TIAM1: variants seen among roughly 807,000 people sequenced by gnomAD.
TIAM1 encodes the protein rho guanine nucleotide exchange factor TIAM1.
TIAM1 carries 65 observed loss-of-function variants against 163.5 expected under a neutral mutation model. The observed-to-expected ratio is 0.40, with a 90% CI of 0.33 to 0.49. The LOEUF (loss-of-function observed/expected upper bound fraction) is 0.49. Ranked by LOEUF, TIAM1 falls within the 20% of genes least tolerant of loss-of-function variation. The pLI, the probability that TIAM1 is intolerant of heterozygous loss-of-function variation, is 0.77. For missense variants in TIAM1, 1,789 were observed against 2,044.7 expected (o/e 0.87, Z 2.41); for synonymous variants, 833 against 810.1 (o/e 1.03, Z -0.48).
intron 16 of TIAM1, among the ~76,000 whole-genome samples, chr21:31,156,684 C>T (rs1483072508): frequency 1.3e-5 from 2 of 152,116 alleles, no homozygotes; most frequent in African/African-American, 4.8e-5. Context: ...CCAGTGATAA[C>T]TGTAATAGAA....
intron 16 of TIAM1, among the ~76,000 whole-genome samples, chr21:31,162,602 T>A (rs1476309778): frequency 1.3e-5 from 2 of 151,874 alleles, no homozygotes; most frequent in Non-Finnish European, 2.9e-5. Flanking sequence ...TACTGCATGA[T>A]CTTTAAAATA....
chr21:31,268,056 G>A lies in TIAM1; in HGVS notation c.-11-1073C>T, dbSNP rs1427238165. On this transcript the variant is annotated intron_variant, in intron 3 of 27. Coordinates refer to ENST00000541036, the MANE Select transcript of TIAM1 (RefSeq NM_001353694.2). ...TCTTGTTCCATGAAGTCTCTCTAGCGCACTTCAAATTGTATGCACTTAAGA... is the reference window on the plus strand; with the variant it reads ...TCTTGTTCCATGAAGTCTCTCTAGCACACTTCAAATTGTATGCACTTAAGA... Among the ~76,000 whole-genome samples, 6 of 152,098 alleles carry A rather than the reference G, an allele frequency of 3.9e-5. 1 individual carries two copies. The highest frequency in any genetic ancestry group is 3.3e-4 in the Admixed American group (5 of 15,274).
intron 2 of TIAM1, among the ~76,000 whole-genome samples, chr21:31,284,224 G>A (rs868674785): frequency 6.6e-6 from 1 of 152,216 alleles, no homozygotes; most frequent in East Asian, 1.9e-4. Flanking sequence ...AAACATAAGA[G>A]AGTAATAATC....
At chr21:31,386,476 A>C (rs2076873076) in intron 2 of TIAM1, among the ~76,000 whole-genome samples, 1 of 152,164 alleles carries the variant, frequency 6.6e-6, no homozygotes, top group Non-Finnish European at 1.5e-5. Context: ...ACCACGTGCA[A>C]AGGTGTCTAA....
intron 3 of TIAM1, among the ~76,000 whole-genome samples, chr21:31,269,167 A>G (rs1002317295): frequency 2.6e-5 from 4 of 152,262 alleles, no homozygotes; most frequent in African/African-American, 9.6e-5. Context: ...CAGAAAACTC[A>G]TCAAGTTAAA....
At chr21:31,411,431 G>A (rs185016495) in intron 2 of TIAM1, among the ~76,000 whole-genome samples, 11 of 150,896 alleles carry the variant, frequency 7.3e-5, no homozygotes, top group African/African-American at 1.9e-4. Flanking sequence ...AAAAGCAGCC[G>A]TGGAAGATAA....
At chr21:31,497,151 C>T (rs917457862) in intron 1 of TIAM1, among the ~76,000 whole-genome samples, 1 of 152,122 alleles carries the variant, frequency 6.6e-6, no homozygotes, top group African/African-American at 2.4e-5. Context: ...TATCATCCAG[C>T]GTAGGTGTGT....
At chr21:31,458,804 A>AG (rs1387110621) in intron 2 of TIAM1, among the ~76,000 whole-genome samples, 1 of 152,156 alleles carries the variant, frequency 6.6e-6, no homozygotes, top group East Asian at 1.9e-4. Flanking sequence ...TTAGGTTCTC[A>AG]GGGAAGCCTG....
At chr21:31,182,324 A>C in intron 15 of TIAM1, 97 bp downstream of exon 15, 1 of 1,024,776 alleles carries the variant, frequency 9.8e-7, no homozygotes, top group East Asian at 2.8e-5. Context: ...CCTGCCAGAC[A>C]GAGGCACTCA....
At chr21:31,269,679 T>G (rs1300816663) in intron 3 of TIAM1, among the ~76,000 whole-genome samples, 3 of 150,456 alleles carry the variant, frequency 2.0e-5, no homozygotes, top group South Asian at 2.1e-4. Flanking sequence ...TTGTTTTTTT[T>G]TTTTTTTTTT....
intron 13 of TIAM1, among the ~76,000 whole-genome samples, chr21:31,188,444 TA>T (rs767001241): frequency 3.3e-5 from 5 of 151,740 alleles, no homozygotes; most frequent in African/African-American, 1.2e-4. Context: ...TAGTGGAAAT[TA>T]AAAAAAAATC....
At chr21:31,387,248 G>C (rs1345299976) in intron 2 of TIAM1, among the ~76,000 whole-genome samples, 1 of 138,958 alleles carries the variant, frequency 7.2e-6, no homozygotes, top group Non-Finnish European at 1.5e-5. Flanking sequence ...TTGAGACAGG[G>C]TCTCGCTCGT....
chr21:31,194,844 C>A (rs2085768372), intron 13 of TIAM1, among the ~76,000 whole-genome samples: 1 of 152,216 alleles, frequency 6.6e-6, no homozygotes, highest in East Asian at 1.9e-4. Context: ...CACTGTTCTG[C>A]CACTGCCCAG....
chr21:31,499,455 C>G (rs1292780896), intron 1 of TIAM1, among the ~76,000 whole-genome samples: 1 of 152,018 alleles, frequency 6.6e-6, no homozygotes, highest in African/African-American at 2.4e-5. Context: ...GCATGAGGAT[C>G]ACTTGAGACC....
rs1168995563 is a variant in TIAM1, at chr21:31,459,619, T to C, written c.-369+4364A>G. On this transcript the variant is annotated intron_variant, in intron 2 of 28. Coordinates refer to the TIAM1 transcript ENST00000286827. ...GGCAGTGTTGCCTCCCCACCCTAGA[T>C]GGCGTCCGCAACCAGAAACTCTGGT... Among the ~76,000 whole-genome samples the C allele has an allele frequency of 5.9e-5, 9 of 152,270 alleles. No homozygotes were observed. In the South Asian group the frequency reaches 1.2e-3, roughly 21 times the overall value.
chr21:31,389,206 T>C (rs939363980), intron 2 of TIAM1, among the ~76,000 whole-genome samples: 1 of 152,104 alleles, frequency 6.6e-6, no homozygotes, highest in Non-Finnish European at 1.5e-5. Context: ...TATTTTATTA[T>C]TTTTATTTTA....
chr21:31,485,907 C>T (rs8131958), intron 1 of TIAM1, among the ~76,000 whole-genome samples: 89,712 of 152,050 alleles, frequency 0.59, 27,349 homozygotes, highest in African/African-American at 0.7. Context: ...TACAAGGTGA[C>T]GGTCCAGCTC....
intron 2 of TIAM1, among the ~76,000 whole-genome samples, chr21:31,304,939 C>A (rs924538084): frequency 2.6e-5 from 4 of 152,162 alleles, no homozygotes; most frequent in Non-Finnish European, 4.4e-5. Context: ...AAGATCCACC[C>A]GCCTCGGCCT....
At chr21:31,273,764 C>T (rs2073170294) in intron 3 of TIAM1, among the ~76,000 whole-genome samples, 1 of 152,176 alleles carries the variant, frequency 6.6e-6, no homozygotes, top group Admixed American at 6.5e-5. Context: ...AGATGCCAAT[C>T]CCAAGGTTGC....
Sources: allele counts gnomAD v4.1 joint callset (sites outside exome capture counted in the v4.1 genomes callset), GRCh38; gene constraint gnomAD v4.1.1; transcripts MANE v1.5; gene names NCBI Gene and HGNC (gene_info 2026-07-23, HGNC 2026-07-21).